ZNF638: variants seen among roughly 807,000 people sequenced by gnomAD.
The protein encoded by ZNF638 is zinc finger protein 638, also known as CTCL tumor antigen se33-1.
ZNF638 carries 46 observed loss-of-function variants against 195.6 expected under a neutral mutation model. The observed-to-expected ratio is 0.24, with a 90% CI of 0.19 to 0.30. The LOEUF (loss-of-function observed/expected upper bound fraction) is 0.30, where lower values mean the gene tolerates loss of function less well. ZNF638 is among the 10% of genes least tolerant of loss of function. The pLI, the probability that ZNF638 is intolerant of heterozygous loss-of-function variation, is 1.00. For synonymous variants in ZNF638, 845 were observed against 772.0 expected (o/e 1.09, Z -1.57); for missense variants, 2,440 against 2,325.3 (o/e 1.05, Z -1.01).
At chr2:71,427,958 G>A (rs1030924118) in intron 24 of ZNF638, among the ~76,000 whole-genome samples, 5 of 152,136 alleles carry the variant, frequency 3.3e-5, no homozygotes, top group African/African-American at 9.7e-5. Context: ...TTGGGAAGCC[G>A]AGGTGGGAGG....
Position 71,369,939 on chromosome 2 carries a change from A to G in ZNF638, c.2199A>G (p.Glu733=). The change falls in exon 8 of 28, where the codon GAA becomes GAG. Residue 733 remains glutamate (E), a synonymous_variant. Coordinates refer to ENST00000264447, the MANE Select transcript of ZNF638 (RefSeq NM_014497.5). ...EAITAIMKYI[E]TTPLTIKGKS... is the part of the protein sequence containing the mutation. ...TTACTGCAATTATGAAGTACATTGA[A>G]ACAACACCTCTTACGATAAAAGGAA... 6.2e-7 allele frequency: 1 copy of G among 1,600,580 alleles called. No homozygotes were observed.
chr2:71,410,992 C>CCCCTT (rs1553484599), intron 20 of ZNF638, among the ~76,000 whole-genome samples: 9 of 24,508 alleles, frequency 3.7e-4, no homozygotes, highest in Non-Finnish European at 4.6e-4. Flanking sequence ...CTCCCCCCCC[C>CCCCTT]TTTTTTTTTT....
In ZNF638 at chr2:71,392,307, G is replaced by A. The variant is rs193287069; in HGVS notation, c.2378-3834G>A. Among the ~76,000 whole-genome samples, 499 of 152,264 alleles carry A rather than the reference G, an allele frequency of 3.3e-3. 2 individuals are homozygous for A. Among genetic ancestry groups the A allele is most frequent in the African/African-American group, 0.011 (472 of 41,532 alleles). ...TAAAGCTTTAACGCTTTTTACTGAT[G>A]GCTCTGGTAAAAATGGAAAAGCGGC... On this transcript the variant is annotated intron_variant, in intron 10 of 27. Coordinates refer to ENST00000264447, the MANE Select transcript of ZNF638 (RefSeq NM_014497.5).
intron 1 of ZNF638, among the ~76,000 whole-genome samples, chr2:71,342,218 CA>C (rs70959232): frequency 6.6e-4 from 66 of 99,264 alleles, no homozygotes; most frequent in African/African-American, 1.6e-3. Flanking sequence ...GACTCTGTCT[CA>C]AAAAAAAAAA....
chr2:71,403,826 G>A (rs200582636), intron 16 of ZNF638, 44 bp from the exon 17 acceptor site: 145 of 1,407,674 alleles, frequency 1.0e-4, no homozygotes, highest in Admixed American at 7.0e-4. Flanking sequence ...TTGAGAAAAA[G>A]TAACATAAGA....
intron 1 of ZNF638, among the ~76,000 whole-genome samples, chr2:71,334,340 A>G (rs1295398844): frequency 1.3e-5 from 2 of 152,236 alleles, no homozygotes; most frequent in Admixed American, 6.5e-5. Context: ...ACCCAGTAAC[A>G]TAGCTTGGGC....
At position 71,431,419 on chromosome 2, in the gene ZNF638, G is replaced by A. The variant is rs781561928; in HGVS notation, c.5743G>A (p.Val1915Ile). The change falls in exon 26 of 28, where the codon GTC (valine) becomes ATC (isoleucine). Residue 1915 changes from valine to isoleucine, a missense_variant. Val to Ile is a conservative substitution (Grantham distance 29). This residue lies in a region of ZNF638 where 1,883 missense variants were observed against 1,739.1 expected (regional missense o/e 1.08). Coordinates refer to ENST00000264447, the MANE Select transcript of ZNF638 (RefSeq NM_014497.5). ...SSSGKSVASD[V>I]PEELDFLVPK... The stretch of plus-strand genomic sequence containing the variant: ...TTCAGGCAAATCAGTGGCGTCTGAT[G>A]TCCCTGAGGGTAAAGTTAAAATGAC... 3 of 1,613,046 alleles carry A rather than the reference G, an allele frequency of 1.9e-6. No homozygotes were observed. Among genetic ancestry groups the A allele is most frequent in the Non-Finnish European group, 2.5e-6 (3 of 1,179,546 alleles).
chr2:71,419,965 C>CG (rs70959238), intron 21 of ZNF638, among the ~76,000 whole-genome samples: 17,247 of 86,926 alleles, frequency 0.2, 4,073 homozygotes, highest in African/African-American at 0.32. Context: ...AATTCCCACC[C>CG]CCCCCCGCCT....
chr2:71,403,872 A>T lies in ZNF638; in HGVS notation c.2832A>T (p.Ala944=), dbSNP rs754615655. ...DILILSSHKK[A]YIEINRKAAE... ...TACCTTAATTTCTGTTTTAAAAGGCATATATAGAAATAAATAGAAAAGCTG... is the reference window on the plus strand; with the variant it reads ...TACCTTAATTTCTGTTTTAAAAGGCTTATATAGAAATAAATAGAAAAGCTG... The change falls in exon 17 of 28, where the codon GCA becomes GCT. Residue 944 remains alanine, a splice_region_variant and synonymous_variant. Transcript: ENST00000264447. The T allele has an allele frequency of 2.4e-5, 38 of 1,560,836 alleles. No homozygotes were observed. In the Admixed American group the frequency reaches 6.5e-4, roughly 27 times the overall value.
intron 21 of ZNF638, among the ~76,000 whole-genome samples, chr2:71,419,411 A>G (rs1204279373): frequency 6.6e-6 from 1 of 152,228 alleles, no homozygotes; most frequent in Non-Finnish European, 1.5e-5. Context: ...AAGTGTTTAA[A>G]TATGTAAAGT....
intron 10 of ZNF638, among the ~76,000 whole-genome samples, chr2:71,385,892 T>TTA (rs2079626974): frequency 6.6e-6 from 1 of 152,144 alleles, no homozygotes; most frequent in Non-Finnish European, 1.5e-5. Context: ...TGTTAAATTT[T>TTA]AGTGTAAAAT....
At chr2:71,362,892 T>C (rs1384999016) in intron 3 of ZNF638, among the ~76,000 whole-genome samples, 1 of 152,224 alleles carries the variant, frequency 6.6e-6, no homozygotes, top group East Asian at 1.9e-4. Context: ...CCTAAGCTCG[T>C]ATCTTGTACC....
chr2:71,409,465 A>G (rs1026522544), intron 20 of ZNF638, among the ~76,000 whole-genome samples: 1 of 152,194 alleles, frequency 6.6e-6, no homozygotes, highest in Non-Finnish European at 1.5e-5. Flanking sequence ...CATTTTTGGT[A>G]TCATGATTAT....
At chr2:71,374,749 T>C (rs1369758704) in intron 8 of ZNF638, 2 of 152,156 alleles carry the variant, frequency 1.3e-5, no homozygotes, top group East Asian at 1.9e-4. Context: ...TGAAACCCTG[T>C]CTCTACTAAA....
rs1294304239 is a variant in ZNF638, at chr2:71,423,233, T to C, written c.3719T>C (p.Leu1240Pro). 6 of 1,614,018 alleles carry C rather than the reference T, an allele frequency of 3.7e-6. No homozygotes were observed. The Admixed American group carries it at 5.0e-5, about 13-fold the overall frequency. Residue 1240 changes from leucine (L) to proline (P), a missense_variant, in exon 22 of 28, where the codon CTA becomes CCA. This residue lies in a region of ZNF638 where 1,883 missense variants were observed against 1,739.1 expected (regional missense o/e 1.08). Transcript: ENST00000264447. Reference sequence around the variant, plus strand: ...GAAGAAAGGAACCTCAAAGGAATTCTAGAAGAATCTCCATCTGAAGCAGAA... The same window carrying C: ...GAAGAAAGGAACCTCAAAGGAATTCCAGAAGAATCTCCATCTGAAGCAGAA... ...FAEERNLKGILEESPSEAEDF... is the reference protein window; with the variant it reads ...FAEERNLKGIPEESPSEAEDF...
At chr2:71,419,974 C>CTTTT (rs58583336) in intron 21 of ZNF638, among the ~76,000 whole-genome samples, 6 of 27,034 alleles carry the variant, frequency 2.2e-4, no homozygotes, top group Admixed American at 7.6e-4. Flanking sequence ...CCCCCCCCGC[C>CTTTT]TTTTTTTTTT....
At chr2:71,424,142 C>T (rs2080487201) in intron 22 of ZNF638, 104 bp downstream of exon 22, 1 of 1,426,240 alleles carries the variant, frequency 7.0e-7, no homozygotes, top group South Asian at 1.5e-5. Flanking sequence ...CTTTCATCTC[C>T]TCACTCTACC....
chr2:71,387,936 G>A (rs1010414842), intron 10 of ZNF638, among the ~76,000 whole-genome samples: 2 of 152,072 alleles, frequency 1.3e-5, no homozygotes, highest in African/African-American at 4.8e-5. Context: ...AAGATAAATT[G>A]GAAAATAGTA....
chr2:71,331,868 A>C lies in ZNF638; in HGVS notation c.-210A>C, dbSNP rs528780379. The C allele has an allele frequency of 1.2e-5, 12 of 986,228 alleles. No individual in the cohort carries two copies. The South Asian group carries it at 5.2e-4, about 42-fold the overall frequency. The allele number at this position is 986,228 out of a possible 1,614,324, so 61.1% of individuals were successfully genotyped here. On this transcript the variant is annotated 5_prime_UTR_variant, in exon 1 of 28. Transcript: ENST00000264447. The stretch of plus-strand genomic sequence containing the variant: ...GATGGGATCCAGCTGTTAGTCGGGT[A>C]GGCATAGGTAGGACCGCTGCCCTGT...
Sources: allele counts gnomAD v4.1 joint callset (sites outside exome capture counted in the v4.1 genomes callset), GRCh38; gene constraint gnomAD v4.1.1; regional missense constraint gnomAD v4.1.1; transcripts MANE v1.5; gene names NCBI Gene and HGNC (gene_info 2026-07-23, HGNC 2026-07-21).